Variants in ZNG1B observed in about 807,000 individuals in gnomAD.
ZNG1B encodes the protein zinc-regulated GTPase metalloprotein activator 1B.
the ZNG1B span, among the ~76,000 whole-genome samples, chr2:113,471,817 C>CT: frequency 2.6e-5 from 4 of 151,834 alleles, no homozygotes; most frequent in African/African-American, 9.7e-5. Context: ...TGAACCCATC[C>CT]TTTTTTATGG....
At chr2:113,473,991 G>T in the ZNG1B span, among the ~76,000 whole-genome samples, 1 of 150,802 alleles carries the variant, frequency 6.6e-6, no homozygotes, top group South Asian at 2.1e-4. Flanking sequence ...TCAGGATGAT[G>T]CTGGCCTCAT....
chr2:113,460,850 A>G, the ZNG1B span: 3 of 1,405,270 alleles, frequency 2.1e-6, no homozygotes, highest in Non-Finnish European at 2.9e-6. Context: ...TTTTTCCCTT[A>G]GTTGAATTAT....
chr2:113,478,716 G>A, the ZNG1B span, among the ~76,000 whole-genome samples: 7 of 151,582 alleles, frequency 4.6e-5, no homozygotes, highest in Admixed American at 4.6e-4. Context: ...AACCTGTGAG[G>A]TAGGACATGA....
chr2:113,484,565 G>A, the ZNG1B span, among the ~76,000 whole-genome samples: 1 of 152,222 alleles, frequency 6.6e-6, no homozygotes, highest in Non-Finnish European at 1.5e-5. Flanking sequence ...TGTTTGTTTT[G>A]GTTTTGGTTT....
At chr2:113,474,034 A>G in the ZNG1B span, among the ~76,000 whole-genome samples, 29 of 151,470 alleles carry the variant, frequency 1.9e-4, no homozygotes, top group South Asian at 4.0e-3. Context: ...CTCTTTTTCT[A>G]TTGATTGGAA....
the ZNG1B span, among the ~76,000 whole-genome samples, chr2:113,454,253 A>G: frequency 2.0e-5 from 3 of 152,192 alleles, no homozygotes; most frequent in African/African-American, 7.2e-5. Context: ...TAAAACATTT[A>G]TGAGTTGGAT....
At chr2:113,478,300 A>G in the ZNG1B span, among the ~76,000 whole-genome samples, 9 of 151,738 alleles carry the variant, frequency 5.9e-5, no homozygotes, top group African/African-American at 2.2e-4. Flanking sequence ...TTTTTTTGAG[A>G]TGGGGCTCTC....
the ZNG1B span, among the ~76,000 whole-genome samples, chr2:113,459,931 C>CTCCAG: frequency 6.8e-6 from 1 of 147,820 alleles, no homozygotes; most frequent in Non-Finnish European, 1.5e-5. Context: ...CAAAGCTTGC[C>CTCCAG]TCCAGAGAGA....
the ZNG1B span, chr2:113,495,784 A>G: frequency 1.8e-6 from 1 of 543,004 alleles, no homozygotes; most frequent in Non-Finnish European, 3.2e-6. Context: ...GATAATAAAA[A>G]TAAGTTTCTA....
chr2:113,438,291 C>T, the ZNG1B span, among the ~76,000 whole-genome samples: 1 of 152,202 alleles, frequency 6.6e-6, no homozygotes, highest in Non-Finnish European at 1.5e-5. Flanking sequence ...GACACGCCCC[C>T]CTGATTGTCT....
chr2:113,468,391 C>G, the ZNG1B span, among the ~76,000 whole-genome samples: 2 of 151,112 alleles, frequency 1.3e-5, no homozygotes, highest in African/African-American at 2.5e-5. Context: ...AGCCAAAACC[C>G]TCTTCGTTTT....
At chr2:113,441,884 C>T in the ZNG1B span, among the ~76,000 whole-genome samples, 3 of 152,110 alleles carry the variant, frequency 2.0e-5, no homozygotes, top group Admixed American at 6.5e-5. Flanking sequence ...GGACTACAGG[C>T]GTGCGCCACC....
chr2:113,462,831 A>G, the ZNG1B span: 1 of 419,984 alleles, frequency 2.4e-6, no homozygotes, highest in Non-Finnish European at 4.2e-6. Context: ...CCATGGATGC[A>G]TCCTGTCAGT....
At chr2:113,442,388 TAA>T in the ZNG1B span, among the ~76,000 whole-genome samples, 1 of 152,186 alleles carries the variant, frequency 6.6e-6, no homozygotes, top group East Asian at 1.9e-4. Context: ...CAATATCTAT[TAA>T]ATGATTTCTT....
the ZNG1B span, among the ~76,000 whole-genome samples, chr2:113,478,698 C>G: frequency 3.3e-5 from 5 of 151,244 alleles, no homozygotes; most frequent in Admixed American, 2.6e-4. Context: ...GAAAACAATA[C>G]CTACAGTAAC....
chr2:113,457,579 A>G, the ZNG1B span, among the ~76,000 whole-genome samples: 1 of 149,802 alleles, frequency 6.7e-6, no homozygotes, highest in Non-Finnish European at 1.5e-5. Context: ...TCATGAAGTT[A>G]GGTCTACAGT....
the ZNG1B span, chr2:113,453,345 T>A: frequency 2.4e-6 from 3 of 1,241,890 alleles, no homozygotes; most frequent in Non-Finnish European, 3.4e-6. Context: ...CTTTACCTCC[T>A]GGGTTCAAGT....
chr2:113,466,128 C>A, the ZNG1B span: 1 of 971,316 alleles, frequency 1.0e-6, no homozygotes, highest in Non-Finnish European at 1.2e-6. Context: ...TTTCAAATTC[C>A]ATTGTAGAAA....
At chr2:113,456,947 A>G in the ZNG1B span, 1 of 446,136 alleles carries the variant, frequency 2.2e-6, no homozygotes, top group South Asian at 1.6e-5. Flanking sequence ...TAAAGCTGAG[A>G]AATGGTACCC....
Sources: allele counts gnomAD v4.1 joint callset (sites outside exome capture counted in the v4.1 genomes callset), GRCh38; gene constraint gnomAD v4.1.1; transcripts MANE v1.5; gene names NCBI Gene and HGNC (gene_info 2026-07-23, HGNC 2026-07-21).